FRMD3: variants seen among roughly 807,000 people sequenced by gnomAD.
The protein encoded by FRMD3 is FERM domain-containing protein 3.
FRMD3 carries 33 observed loss-of-function variants against 70.2 expected under a neutral mutation model. The observed-to-expected ratio is 0.47, with a 90% CI of 0.36 to 0.63. The LOEUF (loss-of-function observed/expected upper bound fraction) is 0.63. Among genes scored for constraint, FRMD3 ranks in the 20% least tolerant of loss-of-function variants. FRMD3 has a pLI of 0.00. For missense variants in FRMD3, 632 were observed against 711.4 expected (o/e 0.89, Z 1.27); for synonymous variants, 279 against 255.9 (o/e 1.09, Z -0.86).
chr9:83,333,856 C>T (rs1823479435), intron 6 of FRMD3, among the ~76,000 whole-genome samples: 1 of 152,170 alleles, frequency 6.6e-6, no homozygotes, highest in Non-Finnish European at 1.5e-5. Flanking sequence ...ACCACTTCAG[C>T]TTGTACTTTC....
At chr9:83,381,261 T>C (rs1825342931) in intron 2 of FRMD3, among the ~76,000 whole-genome samples, 1 of 152,168 alleles carries the variant, frequency 6.6e-6, no homozygotes, top group Non-Finnish European at 1.5e-5. Flanking sequence ...AATCAATCTA[T>C]GTAAGAAAAT....
At chr9:83,273,741 T>A (rs1307675124) in intron 13 of FRMD3, among the ~76,000 whole-genome samples, 1 of 152,032 alleles carries the variant, frequency 6.6e-6, no homozygotes, top group Non-Finnish European at 1.5e-5. Flanking sequence ...ATTATCATAT[T>A]CTGCTCCAAT....
intron 2 of FRMD3, among the ~76,000 whole-genome samples, chr9:83,385,594 C>T (rs1018387216): frequency 6.6e-6 from 1 of 152,082 alleles, no homozygotes; most frequent in Non-Finnish European, 1.5e-5. Context: ...TACTGTAAAT[C>T]GAGTTGTAGG....
At chr9:83,384,237 G>C (rs1026380058) in intron 2 of FRMD3, among the ~76,000 whole-genome samples, 1 of 152,162 alleles carries the variant, frequency 6.6e-6, no homozygotes, top group African/African-American at 2.4e-5. Context: ...AGTGACTTGA[G>C]GCAGCAGCAC....
chr9:83,337,287 A>C (rs1041847555), intron 5 of FRMD3, among the ~76,000 whole-genome samples: 3 of 152,110 alleles, frequency 2.0e-5, no homozygotes, highest in Non-Finnish European at 4.4e-5. Context: ...CCACCCTGCA[A>C]GCTGCAACCC....
At chr9:83,243,145 A>C (rs962237677), downstream of FRMD3, 7 of 1,537,040 alleles carry the variant, frequency 4.6e-6, no homozygotes, top group African/African-American at 9.6e-5. Context: ...CGGAGGCTGG[A>C]ACATGGAGAG....
chr9:83,506,196 AT>A (rs996877869), intron 1 of FRMD3, among the ~76,000 whole-genome samples: 10 of 152,022 alleles, frequency 6.6e-5, no homozygotes, highest in South Asian at 4.2e-4. Flanking sequence ...AGAGTTTATG[AT>A]TTTTTTTTAA....
chr9:83,538,414 C>A (rs1829952087), upstream of FRMD3: 6 of 423,096 alleles, frequency 1.4e-5, no homozygotes, highest in African/African-American at 2.1e-5. This position sits in a 1 kb window ranked among gnomAD's most constrained non-coding sequence, Gnocchi z 4.7. Context: ...GCGGGTCCCT[C>A]CCTCTGTTCG....
At position 83,247,213 on chromosome 9, in the gene FRMD3, A is replaced by C. The variant is rs755462939; in HGVS notation, c.*705T>G. ...TCTGTTTTAGCAGCTTACTTACTAT[A>C]GTGTCTTTCTACCCATTTTCTATCT... On this transcript the variant is annotated 3_prime_UTR_variant, in exon 14 of 14. Coordinates refer to ENST00000304195, the MANE Select transcript of FRMD3 (RefSeq NM_174938.6). 1 of 985,338 alleles carries C rather than the reference A, an allele frequency of 1.0e-6. No individual in the cohort carries two copies. Among genetic ancestry groups the C allele is most frequent in the African/African-American group, 1.7e-5 (1 of 57,332 alleles). The allele number at this position is 985,338 out of a possible 1,614,324, so 61.0% of individuals were successfully genotyped here.
intron 1 of FRMD3, among the ~76,000 whole-genome samples, chr9:83,449,974 T>C (rs995585033): frequency 1.3e-5 from 2 of 151,924 alleles, no homozygotes; most frequent in African/African-American, 2.4e-5. Flanking sequence ...CCTCAATAAC[T>C]TTTTTTTTAA....
chr9:83,304,058 G>A (rs1278901409), intron 10 of FRMD3, among the ~76,000 whole-genome samples: 5 of 152,196 alleles, frequency 3.3e-5, no homozygotes, highest in African/African-American at 4.8e-5. Flanking sequence ...CCAAGTTGTA[G>A]TATCAGTTCT....
At chr9:83,577,592 T>C in the FRMD3 span, among the ~76,000 whole-genome samples, 1 of 151,952 alleles carries the variant, frequency 6.6e-6, no homozygotes, top group Admixed American at 6.6e-5. Context: ...GTTAAAACTA[T>C]AAAACTCTTC....
chr9:83,254,549 G>A (rs1832601548), intron 13 of FRMD3, among the ~76,000 whole-genome samples: 1 of 146,496 alleles, frequency 6.8e-6, no homozygotes, highest in African/African-American at 2.5e-5. Flanking sequence ...AGAAGTGAAG[G>A]AGATAGAGGC....
chr9:83,319,777 G>C (rs1835722856), intron 6 of FRMD3, among the ~76,000 whole-genome samples: 1 of 152,176 alleles, frequency 6.6e-6, no homozygotes, highest in South Asian at 2.1e-4. Flanking sequence ...TTAAAAATGA[G>C]AGTTTCTCTG....
intron 1 of FRMD3, among the ~76,000 whole-genome samples, chr9:83,453,429 T>C (rs1368466247): frequency 6.6e-6 from 1 of 152,086 alleles, no homozygotes; most frequent in Non-Finnish European, 1.5e-5. Flanking sequence ...TCCAATAGGG[T>C]AGCCACTATC....
intron 3 of FRMD3, among the ~76,000 whole-genome samples, chr9:83,365,146 T>C (rs77546747): frequency 0.012 from 1,759 of 152,346 alleles, 19 homozygotes; most frequent in Middle Eastern, 0.021. Context: ...CGAGCATGTT[T>C]CTTTTGCAAA....
intron 1 of FRMD3, among the ~76,000 whole-genome samples, chr9:83,428,326 C>T (rs190445178): frequency 8.7e-4 from 131 of 150,774 alleles, no homozygotes; most frequent in African/African-American, 2.7e-3. Context: ...TGCAGTGAGC[C>T]GAGATCACAC....
intron 1 of FRMD3, among the ~76,000 whole-genome samples, chr9:83,499,704 G>C (rs1829020241): frequency 6.6e-6 from 1 of 152,174 alleles, no homozygotes; most frequent in Admixed American, 6.5e-5. Flanking sequence ...ATGTAAAATG[G>C]TTTGGCTGTT....
chr9:83,456,022 A>G (rs747200983), intron 1 of FRMD3, among the ~76,000 whole-genome samples: 2 of 152,232 alleles, frequency 1.3e-5, no homozygotes, highest in African/African-American at 2.4e-5. Context: ...AAGGTTTACC[A>G]TGGAAAGTAA....
Sources: allele counts gnomAD v4.1 joint callset (sites outside exome capture counted in the v4.1 genomes callset), GRCh38; gene constraint gnomAD v4.1.1; non-coding constraint Gnocchi (gnomAD v3.1); transcripts MANE v1.5; gene names NCBI Gene and HGNC (gene_info 2026-07-23, HGNC 2026-07-21).